Variants in TAFA4 observed in about 807,000 individuals in gnomAD.
TAFA4 encodes chemokine-like protein TAFA-4.
In TAFA4, 20 loss-of-function variants were observed where a neutral mutation model predicts 21.1. The ratio of observed to expected loss-of-function variants is 0.95; its 90% CI spans 0.67 to 1.38. The LOEUF is 1.38. Ranked by LOEUF, TAFA4 falls within the 40% of genes most tolerant of loss-of-function variation. The pLI is 0.00. For synonymous variants in TAFA4, 71 were observed against 67.4 expected (o/e 1.05, Z -0.26); for missense variants, 211 against 180.9 (o/e 1.17, Z -0.95).
intron 3 of TAFA4, among the ~76,000 whole-genome samples, chr3:68,787,967 T>C (rs183052512): frequency 6.2e-4 from 95 of 152,312 alleles, no homozygotes; most frequent in African/African-American, 2.2e-3. Context: ...ATCATCTCTC[T>C]CCAGTGTGTC....
At position 68,806,552 on chromosome 3, in the gene TAFA4, A is replaced by G. The variant is rs183122191; in HGVS notation, c.131-53534T>C. ...TATAAGATAGCAATGATACACAAAT[A>G]TCACCAACATTCATTCAATAGTTGT... On this transcript the variant is annotated intron_variant, in intron 3 of 5. Transcript: ENST00000295569. 2.5e-4 allele frequency among the ~76,000 whole-genome samples: 38 copies of G among 152,352 alleles called. No individual in the cohort carries two copies. In the South Asian group the frequency reaches 3.1e-3, roughly 12 times the overall value.
intron 3 of TAFA4, among the ~76,000 whole-genome samples, chr3:68,799,104 G>A (rs1277869469): frequency 2.6e-5 from 4 of 152,086 alleles, no homozygotes; most frequent in Non-Finnish European, 5.9e-5. Flanking sequence ...ACAGAATAAT[G>A]TCCCCCCTCC....
At chr3:68,930,998 A>G (rs1368027511) in intron 1 of TAFA4, among the ~76,000 whole-genome samples, 1 of 152,192 alleles carries the variant, frequency 6.6e-6, no homozygotes, top group African/African-American at 2.4e-5. Flanking sequence ...CGAGTGTTCT[A>G]GAGGGGGCCA....
chr3:68,799,107 C>T (rs1013069013), intron 3 of TAFA4, among the ~76,000 whole-genome samples: 3 of 150,956 alleles, frequency 2.0e-5, no homozygotes, highest in African/African-American at 5.0e-5. Flanking sequence ...GAATAATGTC[C>T]CCCCTCCCTC....
At chr3:68,927,357 T>C (rs187331067) in intron 1 of TAFA4, among the ~76,000 whole-genome samples, 1 of 152,124 alleles carries the variant, frequency 6.6e-6, no homozygotes, top group Admixed American at 6.5e-5. Flanking sequence ...TTAGAACACA[T>C]GGCACAGATG....
intron 3 of TAFA4, among the ~76,000 whole-genome samples, chr3:68,795,904 T>C (rs776018292): frequency 6.6e-5 from 10 of 152,238 alleles, no homozygotes; most frequent in Non-Finnish European, 1.0e-4. Flanking sequence ...ATCTAAGCCA[T>C]ATCTGCATTA....
intron 3 of TAFA4, among the ~76,000 whole-genome samples, chr3:68,829,412 T>C (rs934106435): frequency 1.3e-5 from 2 of 152,354 alleles, no homozygotes; most frequent in Admixed American, 1.3e-4. Flanking sequence ...CTGTTGAATT[T>C]TGTCAAAGGG....
At chr3:68,777,309 A>T (rs999458866) in intron 3 of TAFA4, among the ~76,000 whole-genome samples, 2 of 152,198 alleles carry the variant, frequency 1.3e-5, no homozygotes, top group South Asian at 4.1e-4. Flanking sequence ...CTGTGAGACA[A>T]AGTGACATAT....
chr3:68,808,228 T>C (rs1703746344), intron 3 of TAFA4, among the ~76,000 whole-genome samples: 1 of 152,110 alleles, frequency 6.6e-6, no homozygotes, highest in South Asian at 2.1e-4. Context: ...TTCACATACA[T>C]GAGCAAGCCC....
At position 68,812,394 on chromosome 3, in the gene TAFA4, G is replaced by T. The variant is rs1023046695; in HGVS notation, c.131-59376C>A. Among the ~76,000 whole-genome samples the T allele has an allele frequency of 2.4e-4, 36 of 152,290 alleles. 1 individual carries two copies. The highest frequency in any genetic ancestry group is 8.7e-4 in the African/African-American group (36 of 41,560). On this transcript the variant is annotated intron_variant, in intron 3 of 5. Transcript: ENST00000295569. The stretch of plus-strand genomic sequence containing the variant: ...CACAGACTGGCAAATTGGATCAAGA[G>T]TCAAGACCCATCAGTGTGCTGTATT...
chr3:68,850,685 C>G (rs1020020461), intron 3 of TAFA4, among the ~76,000 whole-genome samples: 10 of 151,544 alleles, frequency 6.6e-5, no homozygotes, highest in African/African-American at 1.5e-4. Context: ...TGCAAGAATG[C>G]TTTCTTTTGA....
At chr3:68,740,673 T>C (rs149942529) in intron 4 of TAFA4, among the ~76,000 whole-genome samples, 1 of 152,308 alleles carries the variant, frequency 6.6e-6, no homozygotes, top group African/African-American at 2.4e-5. Context: ...CCCAATTGTT[T>C]ATTTTTGCTT....
intron 3 of TAFA4, among the ~76,000 whole-genome samples, chr3:68,830,142 C>G (rs1462356642): frequency 1.3e-5 from 2 of 152,104 alleles, no homozygotes; most frequent in Non-Finnish European, 2.9e-5. Context: ...AAACCAGCTC[C>G]TGGATTCATT....
At chr3:68,788,988 C>G (rs988777967) in intron 3 of TAFA4, among the ~76,000 whole-genome samples, 3 of 152,052 alleles carry the variant, frequency 2.0e-5, no homozygotes, top group Non-Finnish European at 2.9e-5. Flanking sequence ...AATCCCAGCA[C>G]TTTGGGAGGC....
At chr3:68,733,265 A>C in intron 5 of TAFA4, 112 bp from the exon 6 acceptor site, 1 of 1,361,416 alleles carries the variant, frequency 7.3e-7, no homozygotes. Flanking sequence ...CAGTTTGTAC[A>C]TTTACCTATA....
chr3:68,766,125 G>A (rs1007846766), intron 3 of TAFA4, among the ~76,000 whole-genome samples: 3 of 151,964 alleles, frequency 2.0e-5, no homozygotes, highest in Non-Finnish European at 4.4e-5. Flanking sequence ...AATAATAGTA[G>A]TACTACTCAA....
At chr3:68,792,841 G>A (rs769542039) in intron 3 of TAFA4, among the ~76,000 whole-genome samples, 1 of 152,116 alleles carries the variant, frequency 6.6e-6, no homozygotes, top group South Asian at 2.1e-4. Context: ...CATTCCTAAT[G>A]AAACTCAGAC....
chr3:68,833,094 T>C (rs538287100), intron 3 of TAFA4, among the ~76,000 whole-genome samples: 2 of 152,262 alleles, frequency 1.3e-5, no homozygotes, highest in Admixed American at 1.3e-4. Flanking sequence ...GTACCATTCC[T>C]CCAGGTATAG....
chr3:68,805,982 C>T (rs1371401530), intron 3 of TAFA4, among the ~76,000 whole-genome samples: 1 of 151,294 alleles, frequency 6.6e-6, no homozygotes, highest in African/African-American at 2.4e-5. Flanking sequence ...TTAAAAAGTA[C>T]AAAACCAGAG....
Sources: gnomAD v4.1 joint callset for allele counts (sites outside exome capture counted in the v4.1 genomes callset) on GRCh38, gnomAD v4.1.1 for gene constraint, MANE v1.5 for transcripts, NCBI Gene and HGNC (gene_info 2026-07-23, HGNC 2026-07-21) for gene names.